Variants in ENTPD1 observed in about 807,000 individuals in gnomAD.
ENTPD1 encodes the protein ectonucleoside triphosphate diphosphohydrolase 1, also known as ATP diphosphohydrolase.
In ENTPD1, 33 loss-of-function variants were observed where a neutral mutation model predicts 57.0. The ratio of observed to expected loss-of-function variants is 0.58; its 90% CI spans 0.44 to 0.77. The LOEUF (loss-of-function observed/expected upper bound fraction) is 0.77, where lower values mean the gene tolerates loss of function less well. ENTPD1 is among the 30% of genes least tolerant of loss of function. The probability of loss-of-function intolerance (pLI) is 0.00; values close to 1 mark genes in which losing one functional copy is unlikely to be tolerated. For synonymous variants in ENTPD1, 202 were observed against 218.8 expected (o/e 0.92, Z 0.68); for missense variants, 501 against 603.4 (o/e 0.83, Z 1.78).
intron 7 of ENTPD1, among the ~76,000 whole-genome samples, chr10:95,856,079 A>C (rs2098454120): frequency 6.6e-6 from 1 of 152,218 alleles, no homozygotes; most frequent in Admixed American, 6.5e-5. Flanking sequence ...TACACCAATC[A>C]GACGTAGATT....
intron 1 of ENTPD1, among the ~76,000 whole-genome samples, chr10:95,729,482 A>G (rs531064395): frequency 2.6e-5 from 4 of 152,290 alleles, no homozygotes; most frequent in African/African-American, 7.2e-5. Flanking sequence ...GAGTGTTGGC[A>G]GTGTTCCTTA....
intron 2 of ENTPD1, among the ~76,000 whole-genome samples, chr10:95,838,931 T>A (rs1429720235): frequency 6.6e-6 from 1 of 152,192 alleles, no homozygotes; most frequent in Non-Finnish European, 1.5e-5. Flanking sequence ...CTCCTTTTTT[T>A]CTTCTTTTCA....
At chr10:95,839,443 C>T in intron 2 of ENTPD1, 1 of 514,238 alleles carries the variant, frequency 1.9e-6, no homozygotes, top group South Asian at 2.1e-5. Context: ...AACAATACTG[C>T]TTCTTGGGCC....
chr10:95,753,114 C>T (rs1168348202), upstream of ENTPD1: 1 of 152,074 alleles, frequency 6.6e-6, no homozygotes, highest in South Asian at 2.1e-4. Flanking sequence ...ATCTTTACCC[C>T]TTTCTGACAA....
intron 7 of ENTPD1, among the ~76,000 whole-genome samples, chr10:95,854,120 G>T (rs1744051815): frequency 6.6e-6 from 1 of 152,134 alleles, no homozygotes; most frequent in Admixed American, 6.5e-5. Flanking sequence ...GCCTGTTATT[G>T]GTCTATTCAG....
intron 1 of ENTPD1, among the ~76,000 whole-genome samples, chr10:95,818,323 C>T (rs907615860): frequency 6.6e-6 from 1 of 152,096 alleles, no homozygotes; most frequent in Admixed American, 6.5e-5. Flanking sequence ...CATCTTGGAC[C>T]CAAACAGATC....
At chr10:95,758,864 T>C (rs1358581978) in intron 1 of ENTPD1, among the ~76,000 whole-genome samples, 2 of 152,082 alleles carry the variant, frequency 1.3e-5, no homozygotes, top group African/African-American at 4.8e-5. Flanking sequence ...CAGCAACCAA[T>C]GGTTAAGGTG....
Position 95,844,485 on chromosome 10 carries a change from T to A in ENTPD1, c.423T>A (p.Ser141Arg). The A allele has an allele frequency of 6.2e-7, 1 of 1,614,098 alleles. No homozygotes were observed. The highest frequency in any genetic ancestry group is 8.5e-7 in the Non-Finnish European group (1 of 1,179,984). The change falls in exon 5 of 10, where the codon AGT (serine) becomes AGA (arginine). Residue 141 changes from serine (S) to arginine (R), a missense_variant. Coordinates refer to ENST00000371205, the MANE Select transcript of ENTPD1 (RefSeq NM_001776.6). ...TAGMRLLRMESEELADRVLDV... is the reference protein window; with the variant it reads ...TAGMRLLRMEREELADRVLDV... Reference sequence around the variant, plus strand: ...CTCTTCCTTTGTACAGGATGGAAAGTGAAGAGTTGGCAGACAGGGTTCTGG... The same window carrying A: ...CTCTTCCTTTGTACAGGATGGAAAGAGAAGAGTTGGCAGACAGGGTTCTGG...
At chr10:95,796,123 G>C (rs1280957762) in intron 1 of ENTPD1, among the ~76,000 whole-genome samples, 5 of 152,130 alleles carry the variant, frequency 3.3e-5, no homozygotes, top group Admixed American at 2.0e-4. Context: ...GATGGAAAAC[G>C]TTGTGTACTA....
At chr10:95,776,993 T>G (rs1206541498) in intron 1 of ENTPD1, among the ~76,000 whole-genome samples, 1 of 152,210 alleles carries the variant, frequency 6.6e-6, no homozygotes, top group African/African-American at 2.4e-5. Flanking sequence ...TCATTTAAGG[T>G]GTTCTCTACA....
In ENTPD1 at chr10:95,875,547, G is replaced by C. The variant is rs561196858; in HGVS notation, c.*9164G>C. 3.5e-4 allele frequency: 58 copies of C among 166,836 alleles called. No homozygotes were observed. The highest frequency in any genetic ancestry group is 1.3e-3 in the African/African-American group (55 of 41,798). The allele number at this position is 166,836 out of a possible 1,614,324, so 10.3% of individuals were successfully genotyped here. Reference sequence around the variant, plus strand: ...TTCCTATCTTCTTCTGAGCCCTCCAGATTATTTCAACACCCAGTTCCAAAG... The same window carrying C: ...TTCCTATCTTCTTCTGAGCCCTCCACATTATTTCAACACCCAGTTCCAAAG... On this transcript the variant is annotated 3_prime_UTR_variant, in exon 10 of 10. Transcript: ENST00000371205.
intron 1 of ENTPD1, among the ~76,000 whole-genome samples, chr10:95,777,740 C>T (rs2140153676): frequency 6.6e-6 from 1 of 152,374 alleles, no homozygotes; most frequent in Admixed American, 6.5e-5. Context: ...GCCTTTTGTT[C>T]AGCTATGCCC....
intron 1 of ENTPD1, among the ~76,000 whole-genome samples, chr10:95,742,541 C>CTTT (rs10701222): frequency 7.1e-6 from 1 of 140,660 alleles, no homozygotes; most frequent in African/African-American, 2.6e-5. Context: ...TTTCTTTTTT[C>CTTT]TTTTTTTTTT....
intron 1 of ENTPD1, among the ~76,000 whole-genome samples, chr10:95,793,835 G>A (rs1406602712): frequency 6.6e-6 from 1 of 152,110 alleles, no homozygotes; most frequent in Admixed American, 6.6e-5. Context: ...CTGAGCCACG[G>A]TGGGTGGTGG....
chr10:95,872,228 C>T lies in ENTPD1; in HGVS notation c.*5845C>T. The T allele has an allele frequency of 1.0e-6, 1 of 985,436 alleles. No homozygotes were observed. The highest frequency in any genetic ancestry group is 1.2e-6 in the Non-Finnish European group (1 of 829,928). 61.0% of individuals were successfully genotyped at this position (985,436 alleles called of 1,614,324 possible). A position where few individuals can be genotyped will look rare whatever the true frequency, so the allele number is the denominator to read the frequency against. ...TCTTTGCAAAGCACAGGCTTAATTTCATTGCTGCTCAACTAAAACCACTGG... is the reference window on the plus strand; with the variant it reads ...TCTTTGCAAAGCACAGGCTTAATTTTATTGCTGCTCAACTAAAACCACTGG... On this transcript the variant is annotated 3_prime_UTR_variant, in exon 10 of 10. Transcript: ENST00000371205.
intron 1 of ENTPD1, among the ~76,000 whole-genome samples, chr10:95,735,919 G>C (rs1333331102): frequency 6.6e-6 from 1 of 151,824 alleles, no homozygotes; most frequent in African/African-American, 2.4e-5. Flanking sequence ...TAATATGGAA[G>C]ATTGCCTGTT....
intron 1 of ENTPD1, among the ~76,000 whole-genome samples, chr10:95,797,401 T>C (rs1377486937): frequency 1.3e-5 from 2 of 152,168 alleles, no homozygotes; most frequent in Non-Finnish European, 2.9e-5. Flanking sequence ...TGGGGACTTG[T>C]CATCATAGAG....
chr10:95,770,938 A>G (rs1182615464), intron 1 of ENTPD1, among the ~76,000 whole-genome samples: 1 of 152,198 alleles, frequency 6.6e-6, no homozygotes, highest in Non-Finnish European at 1.5e-5. Flanking sequence ...TTATAACAAA[A>G]TTTAAAATAT....
Position 95,845,606 on chromosome 10 carries a change from ACT to A in ENTPD1, c.813+12_813+13del. ...GGCCAAGGACATTCAGGCAAGTATA[ACT>A]CAATCCAGACCTGCCCCCTTCACAT... On this transcript the variant is annotated intron_variant, in intron 6 of 9. Coordinates refer to ENST00000371205, the MANE Select transcript of ENTPD1 (RefSeq NM_001776.6). 6.2e-7 allele frequency: 1 copy of A among 1,614,136 alleles called. No individual in the cohort carries two copies. The highest frequency in any genetic ancestry group is 2.2e-5 in the East Asian group (1 of 44,878).
Sources: allele counts gnomAD v4.1 joint callset (sites outside exome capture counted in the v4.1 genomes callset), GRCh38; gene constraint gnomAD v4.1.1; transcripts MANE v1.5; gene names NCBI Gene and HGNC (gene_info 2026-07-23, HGNC 2026-07-21).